ROBO2: variants seen among roughly 807,000 people sequenced by gnomAD.
ROBO2 encodes roundabout homolog 2.
In ROBO2, 53 loss-of-function variants were observed where a neutral mutation model predicts 160.8. That is an observed-to-expected ratio of 0.33 (90% confidence interval 0.26 to 0.41). The LOEUF (loss-of-function observed/expected upper bound fraction) is 0.41. ROBO2 is among the 10% of genes least tolerant of loss of function. ROBO2 has a pLI of 1.00. For missense variants in ROBO2, 1,577 were observed against 1,722.4 expected, an observed-to-expected ratio of 0.92 and a Z score of 1.49; for synonymous variants, 664 against 611.7, an observed-to-expected ratio of 1.09 and a Z score of -1.26.
chr3:77,642,718 C>CA (rs2095365994), intron 24 of ROBO2: 1 of 456,532 alleles, frequency 2.2e-6, no homozygotes, highest in Admixed American at 2.4e-5. Context: ...TTTAAGGCAG[C>CA]AAATAGGCCC....
intron 2 of ROBO2, among the ~76,000 whole-genome samples, chr3:76,178,463 G>A (rs1323438273): frequency 6.6e-6 from 1 of 152,150 alleles, no homozygotes; most frequent in Non-Finnish European, 1.5e-5. Flanking sequence ...ACAGGATTTT[G>A]TGAAGCTTAT....
chr3:77,272,687 C>T (rs1433367937), intron 2 of ROBO2, among the ~76,000 whole-genome samples: 1 of 152,114 alleles, frequency 6.6e-6, no homozygotes. Context: ...GCATTGTCCA[C>T]CAGTGACTGT....
chr3:76,665,978 A>C (rs959450788), intron 2 of ROBO2, among the ~76,000 whole-genome samples: 45 of 132,942 alleles, frequency 3.4e-4, no homozygotes, highest in Non-Finnish European at 5.4e-4. Flanking sequence ...TATATATAAT[A>C]TATACATGTA....
chr3:76,773,129 A>T (rs189116487), intron 2 of ROBO2, among the ~76,000 whole-genome samples: 36 of 151,236 alleles, frequency 2.4e-4, no homozygotes, highest in African/African-American at 8.7e-4. Flanking sequence ...CAATCTAATG[A>T]ATGGTCATGG....
intron 2 of ROBO2, among the ~76,000 whole-genome samples, chr3:76,487,055 G>T (rs865810181): frequency 6.6e-6 from 1 of 152,046 alleles, no homozygotes; most frequent in African/African-American, 2.4e-5. Flanking sequence ...TGACAGCATC[G>T]AACTCCTGGG....
chr3:76,804,313 G>T (rs1304283271), intron 2 of ROBO2, among the ~76,000 whole-genome samples: 1 of 152,164 alleles, frequency 6.6e-6, no homozygotes, highest in East Asian at 1.9e-4. Context: ...AACCATGAAG[G>T]AAGGAAGATA....
At chr3:75,921,093 T>C (rs1947024234) in intron 1 of ROBO2, among the ~76,000 whole-genome samples, 1 of 152,158 alleles carries the variant, frequency 6.6e-6, no homozygotes, top group Non-Finnish European at 1.5e-5. Flanking sequence ...CTGGTTATTT[T>C]GCACATTAGT....
At chr3:76,822,856 T>A in intron 2 of ROBO2, among the ~76,000 whole-genome samples, 1 of 152,066 alleles carries the variant, frequency 6.6e-6, no homozygotes, top group East Asian at 1.9e-4. Flanking sequence ...TTTATTTCTA[T>A]ATAATTCTTT....
intron 2 of ROBO2, among the ~76,000 whole-genome samples, chr3:76,155,262 A>G (rs2072362708): frequency 1.3e-5 from 2 of 152,176 alleles, no homozygotes; most frequent in South Asian, 4.1e-4. Flanking sequence ...GTGCCTACTG[A>G]TGAAAGAACA....
At chr3:77,420,327 G>T (rs902807299) in intron 2 of ROBO2, among the ~76,000 whole-genome samples, 1 of 151,548 alleles carries the variant, frequency 6.6e-6, no homozygotes, top group Admixed American at 6.6e-5. Flanking sequence ...TTTCTAAAAA[G>T]CCTGAATGTG....
At chr3:76,497,910 G>A (rs1277013288) in intron 2 of ROBO2, among the ~76,000 whole-genome samples, 3 of 152,150 alleles carry the variant, frequency 2.0e-5, no homozygotes, top group Non-Finnish European at 4.4e-5. Flanking sequence ...GGCCTGCCTT[G>A]CAGACCTTGC....
intron 1 of ROBO2, among the ~76,000 whole-genome samples, chr3:77,049,165 CA>C (rs1297670848): frequency 6.6e-6 from 1 of 151,820 alleles, no homozygotes; most frequent in East Asian, 1.9e-4. Flanking sequence ...CCTGTCTCTA[CA>C]AAAAAGAAAA....
chr3:77,272,277 A>G (rs1375367836), intron 2 of ROBO2, among the ~76,000 whole-genome samples: 1 of 152,160 alleles, frequency 6.6e-6, no homozygotes, highest in African/African-American at 2.4e-5. Flanking sequence ...TCATAAAGAA[A>G]AGAGGTTTAA....
At chr3:76,636,446 A>G (rs1020489221) in intron 2 of ROBO2, among the ~76,000 whole-genome samples, 5 of 152,192 alleles carry the variant, frequency 3.3e-5, no homozygotes, top group Admixed American at 2.0e-4. Context: ...GCATTTATTC[A>G]AGAGAAGCTC....
At chr3:76,635,202 C>T (rs907650815) in intron 2 of ROBO2, among the ~76,000 whole-genome samples, 2 of 152,134 alleles carry the variant, frequency 1.3e-5, no homozygotes, top group African/African-American at 2.4e-5. Context: ...TTGAAGGGTA[C>T]CTGCTGCCTA....
intron 2 of ROBO2, among the ~76,000 whole-genome samples, chr3:76,949,518 T>C (rs1452745241): frequency 1.3e-5 from 2 of 152,172 alleles, no homozygotes; most frequent in African/African-American, 4.8e-5. Context: ...TCCGACAGCC[T>C]TCTCCCCTAT....
chr3:76,291,230 G>A (rs146411892), intron 2 of ROBO2, among the ~76,000 whole-genome samples: 2,435 of 152,114 alleles, frequency 0.016, 25 homozygotes, highest in Middle Eastern at 0.027. Context: ...ATTTGTTATT[G>A]ATCTTCAGGA....
intron 2 of ROBO2, among the ~76,000 whole-genome samples, chr3:76,694,691 C>G (rs2092891043): frequency 6.6e-6 from 1 of 152,064 alleles, no homozygotes; most frequent in Non-Finnish European, 1.5e-5. Context: ...TAAACATAAA[C>G]TTCTAATATA....
At chr3:77,451,761 G>T (rs1398854892) in intron 2 of ROBO2, among the ~76,000 whole-genome samples, 1 of 110,624 alleles carries the variant, frequency 9.0e-6, no homozygotes, top group Non-Finnish European at 1.8e-5. Context: ...ACTCTAAAAA[G>T]CAAATCCTTT....
Sources: allele counts gnomAD v4.1 joint callset (sites outside exome capture counted in the v4.1 genomes callset), GRCh38; gene constraint gnomAD v4.1.1; transcripts MANE v1.5; gene names NCBI Gene and HGNC (gene_info 2026-07-23, HGNC 2026-07-21).